Variants in TBC1D21 observed in about 807,000 individuals in gnomAD.
The protein encoded by TBC1D21 is male germ cell Rab GTPase-activating protein.
Under a neutral mutation model 46.0 loss-of-function variants are expected in TBC1D21, and 38 were observed. The observed-to-expected ratio is 0.83, with a 90% CI of 0.64 to 1.08. The LOEUF is 1.08. TBC1D21 is among the 50% of genes least tolerant of loss of function. The probability of loss-of-function intolerance (pLI) is 0.00; values close to 1 mark genes in which losing one functional copy is unlikely to be tolerated. For missense variants in TBC1D21, 415 were observed against 417.9 expected, an observed-to-expected ratio of 0.99 and a Z score of 0.06; for synonymous variants, 151 against 157.2, an observed-to-expected ratio of 0.96 and a Z score of 0.29.
At chr15:73,892,902 C>T (rs79565200), downstream of TBC1D21, among the ~76,000 whole-genome samples, 18,103 of 152,156 alleles carry the variant, frequency 0.12, 1,408 homozygotes, top group South Asian at 0.21. Flanking sequence ...ATGGTGATGT[C>T]GGCGACGTCA....
At chr15:73,893,678 A>G (rs2068354282), downstream of TBC1D21, among the ~76,000 whole-genome samples, 1 of 152,172 alleles carries the variant, frequency 6.6e-6, no homozygotes, top group African/African-American at 2.4e-5. Flanking sequence ...CCCCTCAGAG[A>G]GGAAGAAAGA....
chr15:73,886,221 G>C (rs753911975), intron 7 of TBC1D21, 47 bp downstream of exon 7: 1 of 1,554,824 alleles, frequency 6.4e-7, no homozygotes, highest in Non-Finnish European at 8.9e-7. Flanking sequence ...CCCAGGCATG[G>C]GAAGGGGGCT....
At chr15:73,896,287 TGGC>T in the TBC1D21 span, among the ~76,000 whole-genome samples, 5 of 152,082 alleles carry the variant, frequency 3.3e-5, no homozygotes, top group South Asian at 2.1e-4. Flanking sequence ...GTGGAGAGGA[TGGC>T]AATGCCGAGG....
chr15:73,888,647 C>CGTA, intron 10 of TBC1D21, 134 bp downstream of exon 10: 1 of 703,026 alleles, frequency 1.4e-6, no homozygotes, highest in Non-Finnish European at 2.5e-6. Context: ...TCTTCTTCTT[C>CGTA]CTCCTCCTCT....
At chr15:73,898,882 T>A in the TBC1D21 span, among the ~76,000 whole-genome samples, 1,446 of 41,644 alleles carry the variant, frequency 0.035, 19 homozygotes, top group East Asian at 0.064. Flanking sequence ...AAAAAAAAAA[T>A]ATATATATAT....
chr15:73,894,121 G>A (rs1241345212), downstream of TBC1D21, among the ~76,000 whole-genome samples: 2 of 152,250 alleles, frequency 1.3e-5, no homozygotes, highest in East Asian at 3.9e-4. Context: ...GATTTGCCAA[G>A]TCCGGATGTG....
At chr15:73,876,398 TTG>T (rs369264441) in intron 1 of TBC1D21, among the ~76,000 whole-genome samples, 23 of 75,178 alleles carry the variant, frequency 3.1e-4, no homozygotes, top group Admixed American at 1.6e-3. Flanking sequence ...CGGGTAATTT[TTG>T]TTTTTTTTTT....
At chr15:73,874,864 C>T (rs2068030268) in intron 1 of TBC1D21, among the ~76,000 whole-genome samples, 2 of 152,154 alleles carry the variant, frequency 1.3e-5, no homozygotes, top group Admixed American at 6.5e-5. Context: ...GATGATACAC[C>T]CTCCACACCT....
chr15:73,881,430 A>G lies in TBC1D21; in HGVS notation c.92A>G (p.Glu31Gly), dbSNP rs773715654. ...AGAAAACCACCCATTGACAAGACAG[A>G]ATGGGACAGCTTCTTTGATGAGAGT... The part of the protein sequence containing the change: ...VKRKPPIDKT[E>G]WDSFFDESGH... Residue 31 changes from glutamate (E) to glycine (G), a missense_variant, in exon 2 of 11, where the codon GAA (glutamate) becomes GGA (glycine). Coordinates refer to ENST00000300504, the MANE Select transcript of TBC1D21 (RefSeq NM_153356.3). The G allele has an allele frequency of 1.1e-4, 183 of 1,614,214 alleles. No homozygotes were observed. Among genetic ancestry groups the G allele is most frequent in the South Asian group, 5.1e-4 (46 of 91,084 alleles).
chr15:73,904,573 G>A, the TBC1D21 span, among the ~76,000 whole-genome samples: 3 of 152,282 alleles, frequency 2.0e-5, no homozygotes, highest in East Asian at 5.8e-4. Context: ...GTATGTCTAT[G>A]GGTTCATAGT....
chr15:73,899,537 A>G, the TBC1D21 span, among the ~76,000 whole-genome samples: 1 of 152,048 alleles, frequency 6.6e-6, no homozygotes, highest in Admixed American at 6.5e-5. Flanking sequence ...TGGAAAGGAG[A>G]GAGTAAGGAA....
intron 10 of TBC1D21, 81 bp downstream of exon 10, chr15:73,888,594 CTCCTCCTCCTCTTCT>C (rs2068299166): frequency 1.1e-6 from 1 of 907,574 alleles, no homozygotes; most frequent in African/African-American, 1.7e-5. Context: ...CCTCCTCCTC[CTCCTCCTCCTCTTCT>C]TCCTCCTCCT....
At chr15:73,890,644 T>C (rs569729987), downstream of TBC1D21, among the ~76,000 whole-genome samples, 82 of 152,366 alleles carry the variant, frequency 5.4e-4, no homozygotes, top group African/African-American at 1.9e-3. Flanking sequence ...CATTTTCTAA[T>C]GCTTCTTTTA....
chr15:73,888,642 T>TTCTTCCTCCTCCTCTTCTTCCTCCTCC (rs1567070421), intron 10 of TBC1D21, 129 bp downstream of exon 10: 13 of 677,598 alleles, frequency 1.9e-5, no homozygotes, highest in Non-Finnish European at 3.3e-5. Flanking sequence ...CCTCCTCTTC[T>TTCTTCCTCCTCCTCTTCTTCCTCCTCC]TCTTCCTCCT....
At chr15:73,908,828 G>A in the TBC1D21 span, among the ~76,000 whole-genome samples, 9 of 152,308 alleles carry the variant, frequency 5.9e-5, no homozygotes, top group African/African-American at 2.2e-4. Context: ...AAGTCCATGT[G>A]GCAGAACCAT....
rs2068201638 is a variant in TBC1D21, at chr15:73,884,165, C to T, written c.287C>T (p.Ala96Val). 2 of 1,614,166 alleles carry T rather than the reference C, an allele frequency of 1.2e-6. No individual in the cohort carries two copies. Among genetic ancestry groups the T allele is most frequent in the Non-Finnish European group, 8.5e-7 (1 of 1,179,998 alleles). ...TGTTCTCACAGGAAGAACTACAAGGCCTTATGCCAAATGTATGAGAAGATT... is the reference window on the plus strand; with the variant it reads ...TGTTCTCACAGGAAGAACTACAAGGTCTTATGCCAAATGTATGAGAAGATT... Reference protein sequence around the residue: ...VDSMRRKNYKALCQMYEKIQP... With the variant: ...VDSMRRKNYKVLCQMYEKIQP... Residue 96 changes from alanine (A) to valine (V), a missense_variant, in exon 4 of 11, where the codon GCC becomes GTC. Coordinates refer to ENST00000300504, the MANE Select transcript of TBC1D21 (RefSeq NM_153356.3).
the TBC1D21 span, chr15:73,909,708 G>T: frequency 6.6e-6 from 1 of 150,996 alleles, no homozygotes; most frequent in Non-Finnish European, 1.5e-5. Flanking sequence ...CCCCTCTTCT[G>T]GTGTTTTCAG....
At chr15:73,891,074 C>T (rs2068332956), downstream of TBC1D21, among the ~76,000 whole-genome samples, 1 of 152,214 alleles carries the variant, frequency 6.6e-6, no homozygotes, top group Admixed American at 6.5e-5. Flanking sequence ...TGGAGCTTCT[C>T]TCAGCTCATC....
intron 10 of TBC1D21, 69 bp downstream of exon 10, chr15:73,888,582 T>TTCCTCCTCCTCC: frequency 2.4e-6 from 2 of 823,618 alleles, no homozygotes; most frequent in Non-Finnish European, 3.7e-6. Context: ...CCTCCTCCTC[T>TTCCTCCTCCTCC]TCCTCCTCCT....
Sources: gnomAD v4.1 joint callset for allele counts (sites outside exome capture counted in the v4.1 genomes callset) on GRCh38, gnomAD v4.1.1 for gene constraint, MANE v1.5 for transcripts, NCBI Gene and HGNC (gene_info 2026-07-23, HGNC 2026-07-21) for gene names.